The following MPP7 variants were observed in gnomAD, a reference collection of about 807,000 sequenced individuals.
The protein encoded by MPP7 is MAGUK p55 subfamily member 7.
A neutral mutation model predicts 76.5 loss-of-function variants in MPP7; 60 were observed. That is an observed-to-expected ratio of 0.78 (90% CI 0.64 to 0.97). The LOEUF (loss-of-function observed/expected upper bound fraction) is 0.97. MPP7 is among the 50% of genes least tolerant of loss of function. The probability of loss-of-function intolerance (pLI) is 0.00; values close to 1 mark genes in which losing one functional copy is unlikely to be tolerated. For synonymous variants in MPP7, 237 were observed against 244.5 expected (o/e 0.97, Z 0.29); for missense variants, 641 against 694.0 (o/e 0.92, Z 0.86).
intron 1 of MPP7, among the ~76,000 whole-genome samples, chr10:28,294,211 G>A (rs1213920248): frequency 2.0e-5 from 3 of 152,212 alleles, no homozygotes; most frequent in Non-Finnish European, 2.9e-5. Context: ...GGAGGCTGAG[G>A]CAGGAGAATG....
intron 1 of MPP7, among the ~76,000 whole-genome samples, chr10:28,242,542 T>A (rs1458076525): frequency 2.0e-5 from 3 of 152,250 alleles, no homozygotes; most frequent in Non-Finnish European, 4.4e-5. Context: ...ATGGTACTTG[T>A]ACCTTTTATA....
At chr10:28,093,745 C>T (rs1265841905) in intron 11 of MPP7, among the ~76,000 whole-genome samples, 2 of 152,136 alleles carry the variant, frequency 1.3e-5, no homozygotes. Context: ...CCACACCCAG[C>T]CAAGTTTTTA....
At position 28,133,703 on chromosome 10, in the gene MPP7, C is replaced by T. The variant is rs185685413; in HGVS notation, c.316-2012G>A. Among the ~76,000 whole-genome samples the T allele has an allele frequency of 2.8e-3, 417 of 149,804 alleles. 1 individual carries two copies. The highest frequency in any genetic ancestry group is 9.7e-3 in the African/African-American group (381 of 39,480). On this transcript the variant is annotated intron_variant, in intron 5 of 16. Transcript: ENST00000683449. ...ATAAACACCCCGAAAACAAGAAATA[C>T]AACATTAACCAAACTCCAGTGGCCC...
At chr10:28,193,643 G>A (rs1376839718) in intron 3 of MPP7, among the ~76,000 whole-genome samples, 1 of 152,034 alleles carries the variant, frequency 6.6e-6, no homozygotes, top group African/African-American at 2.4e-5. Context: ...GACAAACTGG[G>A]AGAAAATATT....
chr10:28,174,501 C>T (rs926972237), intron 3 of MPP7, among the ~76,000 whole-genome samples: 1 of 152,288 alleles, frequency 6.6e-6, no homozygotes, highest in African/African-American at 2.4e-5. Context: ...AAAGTGGAAG[C>T]GTCCTGAGAC....
intron 2 of MPP7, among the ~76,000 whole-genome samples, chr10:28,219,742 C>T (rs1471890049): frequency 1.3e-5 from 2 of 151,936 alleles, no homozygotes; most frequent in Admixed American, 6.6e-5. Context: ...TAACCTAGGG[C>T]TAATAAACAC....
intron 1 of MPP7, among the ~76,000 whole-genome samples, chr10:28,251,552 G>C (rs1034345732): frequency 3.3e-5 from 5 of 152,112 alleles, no homozygotes; most frequent in African/African-American, 1.2e-4. Flanking sequence ...TACACCCTAA[G>C]AAATAATCAT....
chr10:28,128,777 G>A (rs559514957), intron 6 of MPP7, among the ~76,000 whole-genome samples: 4 of 152,186 alleles, frequency 2.6e-5, no homozygotes, highest in Non-Finnish European at 5.9e-5. Flanking sequence ...ATAACAAATA[G>A]ACAGATGGAT....
intron 11 of MPP7, among the ~76,000 whole-genome samples, chr10:28,095,633 A>G (rs1245204765): frequency 6.6e-6 from 1 of 152,186 alleles, no homozygotes; most frequent in Non-Finnish European, 1.5e-5. Flanking sequence ...TAAAAGGAAG[A>G]CCAAAAAATG....
intron 11 of MPP7, among the ~76,000 whole-genome samples, chr10:28,095,916 G>A (rs1853546496): frequency 6.6e-6 from 1 of 152,194 alleles, no homozygotes; most frequent in Non-Finnish European, 1.5e-5. Context: ...CTAGAGATTT[G>A]TGTTTTTGAA....
chr10:28,301,933 CTTCTTTATAA>C lies in MPP7; in HGVS notation c.-132+918_-132+927del, dbSNP rs1229075720. ...GGAAAGGCAGCAACAATTCAAGATA[CTTCTTTATAA>C]GTAAATCAAATTACGTAATTAATAG... is the stretch of plus-strand genomic sequence containing the variant. On this transcript the variant is annotated intron_variant, in intron 1 of 16. Coordinates refer to ENST00000683449, the MANE Select transcript of MPP7 (RefSeq NM_001318170.2). Among the ~76,000 whole-genome samples the C allele has an allele frequency of 1.6e-4, 24 of 152,282 alleles. 1 individual carries two copies. Among genetic ancestry groups the C allele is most frequent in the African/African-American group, 5.5e-4 (23 of 41,560 alleles).
Position 28,287,186 on chromosome 10 carries a change from A to T in MPP7, c.-132+15675T>A, listed in dbSNP as rs537123065. 3.8e-4 allele frequency among the ~76,000 whole-genome samples: 58 copies of T among 152,358 alleles called. 1 individual carries two copies. The South Asian group carries it at 0.011, about 28-fold the overall frequency. The stretch of plus-strand genomic sequence containing the variant: ...ACTGACCTATTTGTTGCCAATGATA[A>T]AAGTCAAGCCTTCAAACAAAAATTA... On this transcript the variant is annotated intron_variant, in intron 1 of 16. Transcript: ENST00000683449.
chr10:28,324,209 G>T (rs1458531108), intron 2 of MPP7, among the ~76,000 whole-genome samples: 2 of 152,094 alleles, frequency 1.3e-5, no homozygotes, highest in South Asian at 2.1e-4. Context: ...GCCCCAGAAA[G>T]CTCCCTGGCC....
At chr10:28,313,847 T>C (rs1841303939) in intron 2 of MPP7, among the ~76,000 whole-genome samples, 2 of 135,868 alleles carry the variant, frequency 1.5e-5, no homozygotes, top group African/African-American at 5.5e-5. Context: ...CCACTATACC[T>C]GGCTAATTTT....
intron 3 of MPP7, among the ~76,000 whole-genome samples, chr10:28,187,569 A>C (rs1056071249): frequency 7.2e-5 from 11 of 152,308 alleles, no homozygotes; most frequent in African/African-American, 2.6e-4. Flanking sequence ...GTCAGAGGCA[A>C]GTAACGTAAC....
At chr10:28,291,884 G>T (rs1840929005) in intron 1 of MPP7, among the ~76,000 whole-genome samples, 1 of 152,068 alleles carries the variant, frequency 6.6e-6, no homozygotes, top group South Asian at 2.1e-4. Context: ...AATGAACATA[G>T]TGTAGCCTAG....
At chr10:28,136,343 G>A (rs890135191) in intron 5 of MPP7, among the ~76,000 whole-genome samples, 4 of 152,044 alleles carry the variant, frequency 2.6e-5, no homozygotes, top group Non-Finnish European at 5.9e-5. Context: ...CAAAATGGTT[G>A]GAGAAGGTTG....
At chr10:28,160,519 C>A (rs1337934324) in intron 3 of MPP7, among the ~76,000 whole-genome samples, 1 of 152,158 alleles carries the variant, frequency 6.6e-6, no homozygotes, top group Non-Finnish European at 1.5e-5. Flanking sequence ...CAAACAACAT[C>A]ATAATATTAT....
intron 5 of MPP7, among the ~76,000 whole-genome samples, chr10:28,143,633 C>T (rs2133741251): frequency 7.1e-6 from 1 of 141,236 alleles, no homozygotes. Flanking sequence ...TACAAATTTT[C>T]TTCTAATACA....
Sources: allele counts gnomAD v4.1 joint callset (sites outside exome capture counted in the v4.1 genomes callset), GRCh38; gene constraint gnomAD v4.1.1; transcripts MANE v1.5; gene names NCBI Gene and HGNC (gene_info 2026-07-23, HGNC 2026-07-21).